The following ANKRD30BL variants were observed in gnomAD, a reference collection of about 807,000 sequenced individuals.
The protein encoded by ANKRD30BL is putative ankyrin repeat domain-containing protein 30B-like.
Under a neutral mutation model 18.4 loss-of-function variants are expected in ANKRD30BL, and 20 were observed. The ratio of observed to expected loss-of-function variants is 1.09; its 90% CI spans 0.77 to 1.58. The LOEUF is 1.58. Among genes scored for constraint, ANKRD30BL ranks in the 40% most tolerant of loss-of-function variants. The probability of loss-of-function intolerance (pLI) is 0.00; values close to 1 mark genes in which losing one functional copy is unlikely to be tolerated. For missense variants in ANKRD30BL, 224 were observed against 268.6 expected (o/e 0.83, Z 1.16); for synonymous variants, 72 against 100.9 (o/e 0.71, Z 1.72).
chr2:132,219,258 G>T (rs76591061), intron 1 of ANKRD30BL, among the ~76,000 whole-genome samples: 1 of 151,016 alleles, frequency 6.6e-6, no homozygotes. Flanking sequence ...CTTTTCACAG[G>T]ATCTGCAAGT....
upstream of ANKRD30BL, among the ~76,000 whole-genome samples, chr2:132,165,587 G>A (rs1450212757): frequency 6.6e-6 from 1 of 151,264 alleles, no homozygotes; most frequent in South Asian, 2.1e-4. Flanking sequence ...GCCGGACATG[G>A]TGGTAGGAGC....
chr2:132,257,403 G>GCCGGC (rs1158168917), intron 1 of ANKRD30BL: 3 of 323,932 alleles, frequency 9.3e-6, no homozygotes, highest in Non-Finnish European at 1.8e-5. Context: ...CCGCTAGGAC[G>GCCGGC]CCGGCCCGGC....
intron 1 of ANKRD30BL, among the ~76,000 whole-genome samples, chr2:132,221,374 G>T (rs1331529155): frequency 1.4e-5 from 2 of 142,862 alleles, no homozygotes; most frequent in Non-Finnish European, 3.1e-5. Context: ...GGGGAGGGGG[G>T]GTCAGCCCCC....
At chr2:132,224,856 C>T (rs145632863) in intron 1 of ANKRD30BL, among the ~76,000 whole-genome samples, 3 of 150,878 alleles carry the variant, frequency 2.0e-5, no homozygotes, top group Non-Finnish European at 4.4e-5. Flanking sequence ...CTTCTTTGTG[C>T]TGTGTGAATT....
Position 132,148,290 on chromosome 2 carries a change from C to T in ANKRD30BL, c.680-62G>A. 2.1e-6 allele frequency: 3 copies of T among 1,420,922 alleles called. No homozygotes were observed. The Admixed American group carries it at 6.1e-5, about 29-fold the overall frequency. 88.0% of individuals were successfully genotyped at this position (1,420,922 alleles called of 1,614,324 possible). On this transcript the variant is annotated intron_variant, in intron 5 of 5. Transcript: ENST00000409867. The stretch of plus-strand genomic sequence containing the variant: ...TAAATATCATCCTTCTGACTCTTTA[C>T]CTGGAAAACTTCTACTCATTCAGCT...
upstream of ANKRD30BL, among the ~76,000 whole-genome samples, chr2:132,164,386 G>A (rs1688149882): frequency 6.7e-6 from 1 of 149,986 alleles, no homozygotes; most frequent in African/African-American, 2.5e-5. Flanking sequence ...TACTTCCCAG[G>A]TTCAAGCGAT....
intron 1 of ANKRD30BL, among the ~76,000 whole-genome samples, chr2:132,236,960 T>A (rs1680167087): frequency 6.6e-6 from 1 of 151,566 alleles, no homozygotes; most frequent in African/African-American, 2.4e-5. Flanking sequence ...AAATGATGAG[T>A]TCATGTCCTT....
intron 1 of ANKRD30BL, among the ~76,000 whole-genome samples, chr2:132,246,801 A>C (rs886546541): frequency 2.6e-5 from 4 of 151,910 alleles, no homozygotes; most frequent in African/African-American, 9.7e-5. Context: ...GTGAAAAAGG[A>C]AATATCTTCC....
chr2:132,228,426 A>T (rs913725285), intron 1 of ANKRD30BL, among the ~76,000 whole-genome samples: 1 of 151,970 alleles, frequency 6.6e-6, no homozygotes, highest in African/African-American at 2.4e-5. Context: ...AAAAGGAAAT[A>T]TATTACCATA....
chr2:132,209,428 T>C (rs959606347), intron 1 of ANKRD30BL, among the ~76,000 whole-genome samples: 6 of 152,122 alleles, frequency 3.9e-5, no homozygotes, highest in African/African-American at 1.4e-4. Flanking sequence ...TTTCTTTTGA[T>C]TGAGCAGCTT....
rs558074186 is a variant in ANKRD30BL, at chr2:132,229,200, C to A, written n.441+28329G>T. Among the ~76,000 whole-genome samples, 6 of 151,946 alleles carry A rather than the reference C, an allele frequency of 3.9e-5. 1 individual carries two copies. Among genetic ancestry groups the A allele is most frequent in the African/African-American group, 1.4e-4 (6 of 41,446 alleles). ...AGATTTGACCATTCCTTTGAAGGAC[C>A]AGTTTTGAAATACTCTTTTTGTAGA... On this transcript the variant is annotated intron_variant and non_coding_transcript_variant, in intron 1 of 4. Transcript: ENST00000470729.
intron 1 of ANKRD30BL, among the ~76,000 whole-genome samples, chr2:132,182,144 A>T (rs535074111): frequency 1.3e-5 from 2 of 151,944 alleles, no homozygotes; most frequent in South Asian, 2.1e-4. Context: ...AAAAAATAAA[A>T]AAATAAGAAT....
chr2:132,234,140 T>TGA (rs1312851701), intron 1 of ANKRD30BL, among the ~76,000 whole-genome samples: 25 of 151,758 alleles, frequency 1.6e-4, no homozygotes, highest in African/African-American at 5.8e-4. Context: ...GAAACCAACA[T>TGA]GAACAAAGAC....
chr2:132,186,029 T>C (rs1688554149), intron 1 of ANKRD30BL, among the ~76,000 whole-genome samples: 2 of 151,720 alleles, frequency 1.3e-5, no homozygotes, highest in South Asian at 4.2e-4. Flanking sequence ...TAATCCCACC[T>C]GCTCGGGAGG....
At chr2:132,194,987 G>A (rs1372312998) in intron 1 of ANKRD30BL, among the ~76,000 whole-genome samples, 1 of 152,176 alleles carries the variant, frequency 6.6e-6, no homozygotes, top group Non-Finnish European at 1.5e-5. Flanking sequence ...TAAGAATACA[G>A]CAGCAATTTG....
chr2:132,151,889 A>G (rs1261413540), intron 4 of ANKRD30BL, among the ~76,000 whole-genome samples: 1 of 152,138 alleles, frequency 6.6e-6, no homozygotes, highest in Non-Finnish European at 1.5e-5. Flanking sequence ...TTGGACTACT[A>G]CTAGTCTTTA....
At chr2:132,241,177 C>A (rs1331579620) in intron 1 of ANKRD30BL, among the ~76,000 whole-genome samples, 1 of 149,836 alleles carries the variant, frequency 6.7e-6, no homozygotes, top group East Asian at 2.0e-4. Flanking sequence ...AAATATCTTC[C>A]CATAAAAACT....
intron 1 of ANKRD30BL, among the ~76,000 whole-genome samples, chr2:132,212,143 A>C (rs1679373308): frequency 6.6e-6 from 1 of 150,742 alleles, no homozygotes; most frequent in African/African-American, 2.5e-5. Flanking sequence ...TTCATCTCAC[A>C]GTGTTGAACA....
chr2:132,201,576 T>C (rs1679099010), intron 1 of ANKRD30BL, among the ~76,000 whole-genome samples: 1 of 152,050 alleles, frequency 6.6e-6, no homozygotes, highest in South Asian at 2.1e-4. Flanking sequence ...GAAATGCAAA[T>C]CAAAACCACA....
Sources: gnomAD v4.1 joint callset for allele counts (sites outside exome capture counted in the v4.1 genomes callset) on GRCh38, gnomAD v4.1.1 for gene constraint, MANE v1.5 for transcripts, NCBI Gene and HGNC (gene_info 2026-07-23, HGNC 2026-07-21) for gene names.